CTNNA2: variants seen among roughly 807,000 people sequenced by gnomAD.
The protein encoded by CTNNA2 is catenin alpha 2.
In CTNNA2, 42 loss-of-function variants were observed where a neutral mutation model predicts 101.0. The observed-to-expected ratio is 0.42, with a 90% CI of 0.32 to 0.54. The LOEUF (loss-of-function observed/expected upper bound fraction) is 0.54. CTNNA2 is among the 20% of genes least tolerant of loss of function. The probability of loss-of-function intolerance (pLI) is 0.14; values close to 1 mark genes in which losing one functional copy is unlikely to be tolerated. For synonymous variants in CTNNA2, 450 were observed against 456.4 expected (o/e 0.99, Z 0.18); for missense variants, 871 against 1,223.1 (o/e 0.71, Z 4.29).
At chr2:80,515,070 C>T (rs1476219203) in intron 9 of CTNNA2, among the ~76,000 whole-genome samples, 1 of 151,890 alleles carries the variant, frequency 6.6e-6, no homozygotes, top group Non-Finnish European at 1.5e-5. Flanking sequence ...ATTTGCAGCA[C>T]ACATTCTTAG....
At chr2:79,351,866 T>C (rs1199037608) in intron 3 of CTNNA2, among the ~76,000 whole-genome samples, 2 of 152,240 alleles carry the variant, frequency 1.3e-5, no homozygotes, top group Non-Finnish European at 2.9e-5. Flanking sequence ...TTCCATGTCT[T>C]TGCTATTGTG....
At position 79,608,148 on chromosome 2, in the gene CTNNA2, A is replaced by G. The variant is rs184513780; in HGVS notation, c.-5-43404A>G. On this transcript the variant is annotated intron_variant, in intron 1 of 18. Coordinates refer to ENST00000402739, the MANE Select transcript of CTNNA2 (RefSeq NM_001282597.3). ...GAATATTTTGAAAAACTATATGCCT[A>G]TAAGTTGGACAACTTAGGTGGAATG... Among the ~76,000 whole-genome samples, 177 of 152,192 alleles carry G rather than the reference A, an allele frequency of 1.2e-3. 2 individuals are homozygous for G. Among genetic ancestry groups the G allele is most frequent in the Admixed American group, 5.7e-3 (87 of 15,288 alleles).
At chr2:79,204,724 T>C (rs1005392455) in intron 2 of CTNNA2, among the ~76,000 whole-genome samples, 4 of 152,328 alleles carry the variant, frequency 2.6e-5, no homozygotes, top group South Asian at 4.2e-4. Flanking sequence ...GGTTCAGTTA[T>C]TTGGTGAGGG....
chr2:79,946,411 A>C (rs1161966921), intron 7 of CTNNA2, among the ~76,000 whole-genome samples: 1 of 152,198 alleles, frequency 6.6e-6, no homozygotes, highest in Non-Finnish European at 1.5e-5. Context: ...AACTGAACTG[A>C]GAGTCTATTA....
At chr2:80,214,833 C>T (rs961220509) in intron 7 of CTNNA2, among the ~76,000 whole-genome samples, 1 of 152,148 alleles carries the variant, frequency 6.6e-6, no homozygotes, top group Non-Finnish European at 1.5e-5. Context: ...AGTTCTCCTG[C>T]ATAATATCCT....
At chr2:80,562,189 C>A (rs1014531304) in intron 12 of CTNNA2, among the ~76,000 whole-genome samples, 2 of 139,374 alleles carry the variant, frequency 1.4e-5, no homozygotes, top group Non-Finnish European at 3.3e-5. Context: ...CAGGGTTGAC[C>A]ATGCAGAAAC....
At chr2:79,746,379 T>C (rs972109508) in intron 3 of CTNNA2, among the ~76,000 whole-genome samples, 3 of 152,202 alleles carry the variant, frequency 2.0e-5, no homozygotes, top group African/African-American at 7.2e-5. Context: ...TATTGTGACC[T>C]TTGACACAGA....
chr2:80,217,163 A>G (rs1708319926), intron 7 of CTNNA2, among the ~76,000 whole-genome samples: 1 of 152,134 alleles, frequency 6.6e-6, no homozygotes, highest in African/African-American at 2.4e-5. Flanking sequence ...CCACAAAATG[A>G]TAATGAACCA....
At chr2:79,874,677 G>C (rs1414980817) in intron 6 of CTNNA2, among the ~76,000 whole-genome samples, 1 of 152,104 alleles carries the variant, frequency 6.6e-6, no homozygotes, top group Non-Finnish European at 1.5e-5. Context: ...GCGTGGTGGC[G>C]CATGCCTGTA....
At chr2:80,073,730 TCACACACACACA>T (rs3067109) in intron 7 of CTNNA2, among the ~76,000 whole-genome samples, 18 of 130,428 alleles carry the variant, frequency 1.4e-4, no homozygotes, top group African/African-American at 2.7e-4. Flanking sequence ...TCTCTCTCTG[TCACACACACACA>T]CACACACACA....
At chr2:79,822,070 A>T (rs1347471497) in intron 3 of CTNNA2, among the ~76,000 whole-genome samples, 2 of 152,226 alleles carry the variant, frequency 1.3e-5, no homozygotes. Context: ...CTAAGATGTT[A>T]CACTTCAAAA....
At chr2:79,308,090 G>A (rs757076777) in intron 2 of CTNNA2, among the ~76,000 whole-genome samples, 2 of 152,098 alleles carry the variant, frequency 1.3e-5, no homozygotes, top group South Asian at 4.2e-4. Context: ...TGTTGCCCAG[G>A]CTGCAGTACA....
intron 3 of CTNNA2, among the ~76,000 whole-genome samples, chr2:79,333,909 G>A (rs936433113): frequency 2.8e-4 from 42 of 152,096 alleles, no homozygotes; most frequent in African/African-American, 8.9e-4. Context: ...ATACCTGTTG[G>A]TCATTCGTAT....
At position 80,263,899 on chromosome 2, in the gene CTNNA2, G is replaced by A. The variant is rs148771337; in HGVS notation, c.1057-129312G>A. 2.3e-3 allele frequency among the ~76,000 whole-genome samples: 343 copies of A among 152,248 alleles called. 3 individuals are homozygous for A. Among genetic ancestry groups the A allele is most frequent in the African/African-American group, 7.6e-3 (316 of 41,550 alleles). On this transcript the variant is annotated intron_variant, in intron 7 of 18. Transcript: ENST00000402739. ...CCTGAATATTGTAACTTTATGTGGA[G>A]ACCTTTTGAAAGCAATGCATTATTG...
At chr2:79,334,522 G>A (rs1469763) in intron 3 of CTNNA2, among the ~76,000 whole-genome samples, 38,523 of 151,884 alleles carry the variant, frequency 0.25, 5,101 homozygotes, top group South Asian at 0.32. Flanking sequence ...GGGAAATAAG[G>A]CTATACAAAA....
At chr2:80,510,091 AC>A (rs1230346889) in intron 9 of CTNNA2, among the ~76,000 whole-genome samples, 1 of 152,214 alleles carries the variant, frequency 6.6e-6, no homozygotes, top group Admixed American at 6.5e-5. Context: ...TTTATGGCAT[AC>A]AACAGATATT....
chr2:80,578,094 G>T (rs1695217988), intron 13 of CTNNA2, among the ~76,000 whole-genome samples: 1 of 152,128 alleles, frequency 6.6e-6, no homozygotes, highest in Admixed American at 6.6e-5. Context: ...CTGACATGTG[G>T]TATGACCCTG....
chr2:79,537,250 C>T (rs1322937734), intron 1 of CTNNA2, among the ~76,000 whole-genome samples: 1 of 152,170 alleles, frequency 6.6e-6, no homozygotes, highest in African/African-American at 2.4e-5. Context: ...TAGAAATTAA[C>T]AAGCCCTTGA....
intron 9 of CTNNA2, among the ~76,000 whole-genome samples, chr2:80,543,261 A>C (rs1447680321): frequency 6.6e-6 from 1 of 152,172 alleles, no homozygotes; most frequent in Non-Finnish European, 1.5e-5. Context: ...TGATATAACA[A>C]AGAAATTGAA....
Sources: allele counts gnomAD v4.1 joint callset (sites outside exome capture counted in the v4.1 genomes callset), GRCh38; gene constraint gnomAD v4.1.1; transcripts MANE v1.5; gene names NCBI Gene and HGNC (gene_info 2026-07-23, HGNC 2026-07-21).